Variants in TRUB1 observed in about 807,000 individuals in gnomAD.
TRUB1 encodes pseudouridylate synthase TRUB1.
In TRUB1, 23 loss-of-function variants were observed where a neutral mutation model predicts 33.9. The observed-to-expected ratio is 0.68, with a 90% CI of 0.49 to 0.96. The LOEUF (loss-of-function observed/expected upper bound fraction) is 0.96, where lower values mean the gene tolerates loss of function less well. TRUB1 is among the 40% of genes least tolerant of loss of function. The pLI, the probability that TRUB1 is intolerant of heterozygous loss-of-function variation, is 0.00. For synonymous variants in TRUB1, 163 were observed against 165.4 expected, an observed-to-expected ratio of 0.99 and a Z score of 0.11; for missense variants, 378 against 422.2, an observed-to-expected ratio of 0.90 and a Z score of 0.92.
intron 2 of TRUB1, among the ~76,000 whole-genome samples, chr10:114,950,830 C>T (rs957301196): frequency 6.6e-5 from 10 of 152,154 alleles, no homozygotes; most frequent in African/African-American, 4.8e-5. Flanking sequence ...GCTTCATTGT[C>T]TAATTGGCTG....
At chr10:114,971,816 G>A (rs1252035994) in intron 5 of TRUB1, among the ~76,000 whole-genome samples, 1 of 152,138 alleles carries the variant, frequency 6.6e-6, no homozygotes, top group Non-Finnish European at 1.5e-5. Flanking sequence ...AACACAGAAT[G>A]AGGACTAGTA....
chr10:114,974,714 GT>G (rs1433055242), intron 7 of TRUB1, among the ~76,000 whole-genome samples: 1 of 151,790 alleles, frequency 6.6e-6, no homozygotes, highest in African/African-American at 2.4e-5. Flanking sequence ...CCTTCTAAAA[GT>G]TATTTTCAAA....
rs552335640 is a variant in TRUB1 at position 114,938,425 on chromosome 10, A to C, written c.172A>C (p.Lys58Gln). 13 of 1,598,206 alleles carry C rather than the reference A, an allele frequency of 8.1e-6. No individual in the cohort carries two copies. In the South Asian group the frequency reaches 1.5e-4, roughly 18 times the overall value. Residue 58 changes from lysine to glutamine, a missense_variant, in exon 1 of 8, where the codon AAG becomes CAG. By Grantham distance (53) the Lys-to-Gln change is moderately conservative (BLOSUM62 1). Transcript: ENST00000298746. ...ARTGSEARVS[K>Q]AALATKLLSL... ...GACCGGATCCGAAGCCAGGGTCTCC[A>C]AGGCCGCTTTGGCTACCAAGCTGCT...
chr10:114,952,456 G>A (rs1418882164), intron 3 of TRUB1, among the ~76,000 whole-genome samples: 1 of 139,816 alleles, frequency 7.2e-6, no homozygotes, highest in Non-Finnish European at 1.7e-5. Flanking sequence ...TAAATAATAA[G>A]TAAGGTAGGT....
chr10:114,947,914 T>G (rs2084217947), intron 2 of TRUB1, among the ~76,000 whole-genome samples: 1 of 152,182 alleles, frequency 6.6e-6, no homozygotes, highest in African/African-American at 2.4e-5. Flanking sequence ...TTAAAATAGA[T>G]TCCTACGATT....
chr10:114,950,634 G>A (rs1343491580), intron 2 of TRUB1, among the ~76,000 whole-genome samples: 3 of 152,132 alleles, frequency 2.0e-5, no homozygotes, highest in African/African-American at 7.2e-5. Context: ...TTTCTTGATT[G>A]TATATACTGC....
At chr10:114,954,054 T>C (rs1351813448) in intron 3 of TRUB1, among the ~76,000 whole-genome samples, 2 of 139,072 alleles carry the variant, frequency 1.4e-5, no homozygotes, top group Non-Finnish European at 3.3e-5. Context: ...TACTTTTCCT[T>C]CTATTTCATT....
intron 4 of TRUB1, among the ~76,000 whole-genome samples, chr10:114,968,973 TGTGAA>T (rs2084322800): frequency 6.6e-6 from 1 of 152,222 alleles, no homozygotes; most frequent in African/African-American, 2.4e-5. Flanking sequence ...TACCATTGGC[TGTGAA>T]CTAAACAGAT....
rs200573152 is a variant in TRUB1 at position 114,946,656 on chromosome 10, G to GAAAC, written c.385+3933_385+3936dup. On this transcript the variant is annotated intron_variant, in intron 2 of 7. Coordinates refer to ENST00000298746, the MANE Select transcript of TRUB1 (RefSeq NM_139169.5). Reference sequence around the variant, plus strand: ...CATGCCCGGCCAAAAGGTCTTTTTTGAAACAAACAAACAAACAAACAAAAC... The same window carrying GAAAC: ...CATGCCCGGCCAAAAGGTCTTTTTTGAAACAAACAAACAAACAAACAAACAAAAC... 7.6e-4 allele frequency among the ~76,000 whole-genome samples: 115 copies of GAAAC among 151,788 alleles called. 1 individual carries two copies. The highest frequency in any genetic ancestry group is 2.5e-3 in the African/African-American group (103 of 41,390).
chr10:114,956,185 A>G (rs185611869), intron 3 of TRUB1, among the ~76,000 whole-genome samples: 8 of 152,312 alleles, frequency 5.3e-5, no homozygotes, highest in African/African-American at 1.7e-4. Context: ...AATACCAGTG[A>G]GAAACTGTGA....
At chr10:114,971,915 A>G (rs1412105560) in intron 5 of TRUB1, among the ~76,000 whole-genome samples, 1 of 152,214 alleles carries the variant, frequency 6.6e-6, no homozygotes, top group Non-Finnish European at 1.5e-5. Flanking sequence ...ATGAGGTTAT[A>G]TCAGCCTTAG....
intron 2 of TRUB1, among the ~76,000 whole-genome samples, chr10:114,950,348 A>G (rs1015102601): frequency 2.0e-5 from 3 of 152,246 alleles, no homozygotes; most frequent in Non-Finnish European, 4.4e-5. Context: ...GTTTACTCTT[A>G]TAATTCTGAA....
intron 3 of TRUB1, among the ~76,000 whole-genome samples, chr10:114,958,226 C>T (rs981625402): frequency 5.9e-5 from 9 of 152,110 alleles, no homozygotes; most frequent in African/African-American, 1.2e-4. Flanking sequence ...TATGCTTAGT[C>T]GAGGTTGATT....
At chr10:114,957,141 A>G (rs910898909) in intron 3 of TRUB1, among the ~76,000 whole-genome samples, 3 of 152,236 alleles carry the variant, frequency 2.0e-5, no homozygotes, top group African/African-American at 7.2e-5. Context: ...CTGTGTTTCT[A>G]TTTAGGAAAG....
At chr10:114,952,613 T>G (rs1185853968) in intron 3 of TRUB1, among the ~76,000 whole-genome samples, 1 of 152,242 alleles carries the variant, frequency 6.6e-6, no homozygotes, top group East Asian at 1.9e-4. Context: ...GGTTATCAAC[T>G]GGCATAAAAA....
intron 1 of TRUB1, among the ~76,000 whole-genome samples, chr10:114,942,282 A>G (rs914113671): frequency 2.0e-5 from 3 of 152,188 alleles, no homozygotes; most frequent in African/African-American, 4.8e-5. Flanking sequence ...ATCTTTCTAT[A>G]TAAAAATTAA....
chr10:114,938,589 G>C, intron 1 of TRUB1, 50 bp downstream of exon 1: 2 of 1,485,478 alleles, frequency 1.3e-6, no homozygotes, highest in Non-Finnish European at 1.8e-6. Flanking sequence ...TGCGAGAGGG[G>C]AAGCACATTA....
chr10:114,942,774 A>T, intron 2 of TRUB1, 31 bp downstream of exon 2: 1 of 1,325,178 alleles, frequency 7.5e-7, no homozygotes, highest in Non-Finnish European at 1.1e-6. Context: ...TTAAGTGTCC[A>T]CTGTCACTTA....
In TRUB1 at chr10:114,967,262, G is replaced by A. The variant is rs967669158; in HGVS notation, c.524-3106G>A. Among the ~76,000 whole-genome samples, 4 of 152,308 alleles carry A rather than the reference G, an allele frequency of 2.6e-5. No individual in the cohort carries two copies. In the South Asian group the frequency reaches 6.2e-4, roughly 24 times the overall value. On this transcript the variant is annotated intron_variant, in intron 4 of 7. Coordinates refer to ENST00000298746, the MANE Select transcript of TRUB1 (RefSeq NM_139169.5). ...TCCAGACAAAAACAAGTGATCATGA[G>A]ACTTGCTTTGTTTGTTTCTTTTTCC...
Sources: allele counts gnomAD v4.1 joint callset (sites outside exome capture counted in the v4.1 genomes callset), GRCh38; gene constraint gnomAD v4.1.1; transcripts MANE v1.5; gene names NCBI Gene and HGNC (gene_info 2026-07-23, HGNC 2026-07-21).